Variants in ADAM12 observed in about 807,000 individuals in gnomAD.
The protein encoded by ADAM12 is ADAM metallopeptidase domain 12.
ADAM12 carries 70 observed loss-of-function variants against 106.4 expected under a neutral mutation model. The observed-to-expected ratio is 0.66, with a 90% CI of 0.54 to 0.80. The LOEUF (loss-of-function observed/expected upper bound fraction) is 0.80. Ranked by LOEUF, ADAM12 falls within the 30% of genes least tolerant of loss-of-function variation. ADAM12 has a pLI of 0.00. For missense variants in ADAM12, 1,010 were observed against 1,171.9 expected (o/e 0.86, Z 2.02); for synonymous variants, 420 against 433.5 (o/e 0.97, Z 0.39).
intron 3 of ADAM12, among the ~76,000 whole-genome samples, chr10:126,212,299 G>C (rs1368222066): frequency 6.6e-6 from 1 of 152,184 alleles, no homozygotes; most frequent in Non-Finnish European, 1.5e-5. Flanking sequence ...GGGTTAATTA[G>C]AATTTGGAAA....
intron 14 of ADAM12, among the ~76,000 whole-genome samples, chr10:126,059,977 AC>A (rs1554963637): frequency 1.4e-5 from 2 of 140,508 alleles, no homozygotes; most frequent in Non-Finnish European, 3.0e-5. Context: ...CTAAACGCCA[AC>A]CACACAGTTT....
At chr10:126,210,457 C>T (rs975761850) in intron 3 of ADAM12, among the ~76,000 whole-genome samples, 1 of 152,160 alleles carries the variant, frequency 6.6e-6, no homozygotes, top group Non-Finnish European at 1.5e-5. Flanking sequence ...GAGGCAATGA[C>T]CACACAGCAT....
At chr10:126,169,658 T>C (rs753262069) in intron 3 of ADAM12, among the ~76,000 whole-genome samples, 5 of 152,210 alleles carry the variant, frequency 3.3e-5, no homozygotes, top group African/African-American at 1.2e-4. Context: ...AAAAGACACG[T>C]TGATCCTTAG....
At chr10:126,340,533 C>T (rs1255991031) in intron 1 of ADAM12, among the ~76,000 whole-genome samples, 1 of 152,132 alleles carries the variant, frequency 6.6e-6, no homozygotes, top group Admixed American at 6.5e-5. Flanking sequence ...ATGCTGTGCT[C>T]ATAATCCTAC....
intron 3 of ADAM12, among the ~76,000 whole-genome samples, chr10:126,244,032 C>G (rs904257264): frequency 5.3e-5 from 8 of 152,188 alleles, no homozygotes; most frequent in Non-Finnish European, 1.2e-4. Flanking sequence ...AAATTCTAGT[C>G]ATTTCCAGAC....
chr10:126,129,506 C>T (rs1467989812), intron 5 of ADAM12, among the ~76,000 whole-genome samples: 1 of 152,150 alleles, frequency 6.6e-6, no homozygotes, highest in Non-Finnish European at 1.5e-5. Flanking sequence ...ATGTCTGTGC[C>T]CTGCAGAGTT....
chr10:126,330,730 T>A (rs114104428), intron 1 of ADAM12, among the ~76,000 whole-genome samples: 5 of 152,224 alleles, frequency 3.3e-5, no homozygotes, highest in Non-Finnish European at 7.3e-5. Context: ...GTTAATTAAT[T>A]TGTTCCTTCA....
chr10:126,213,912 T>C (rs1268994131), intron 3 of ADAM12, among the ~76,000 whole-genome samples: 1 of 152,228 alleles, frequency 6.6e-6, no homozygotes, highest in Non-Finnish European at 1.5e-5. Context: ...TTCCTTCTAT[T>C]AGAAAGCAGC....
chr10:126,369,326 A>G (rs1856029154), intron 1 of ADAM12, among the ~76,000 whole-genome samples: 1 of 152,214 alleles, frequency 6.6e-6, no homozygotes, highest in African/African-American at 2.4e-5. Flanking sequence ...AGAGAATAAG[A>G]TGGATGTGGT....
At chr10:126,040,004 G>GACTT (rs547784571) in intron 18 of ADAM12, among the ~76,000 whole-genome samples, 167 of 152,336 alleles carry the variant, frequency 1.1e-3, no homozygotes, top group African/African-American at 3.9e-3. Flanking sequence ...TTATGTTGGG[G>GACTT]ACTTAAAAAC....
At chr10:126,113,382 G>A (rs1029732484) in intron 6 of ADAM12, among the ~76,000 whole-genome samples, 1 of 151,904 alleles carries the variant, frequency 6.6e-6, no homozygotes, top group Non-Finnish European at 1.5e-5. Flanking sequence ...TATTGCAACT[G>A]GGCGTGGTGG....
chr10:126,043,222 G>A lies in ADAM12; in HGVS notation c.1996-74C>T, dbSNP rs1437371939. ...CATCACCACAGCAGAAGCAAGGGGG[G>A]CCATGGTCAGAGCCCCCCCCCAACA... is the stretch of plus-strand genomic sequence containing the variant. On this transcript the variant is annotated intron_variant, in intron 17 of 22. Coordinates refer to ENST00000448723, the MANE Select transcript of ADAM12 (RefSeq NM_001288973.2). The surrounding 1 kb of genome is among the most constrained non-coding windows in gnomAD (Gnocchi z 4.1). 8 of 1,390,146 alleles carry A rather than the reference G, an allele frequency of 5.8e-6. No homozygotes were observed. The Admixed American group carries it at 7.7e-5, about 13-fold the overall frequency. 86.1% of individuals were successfully genotyped at this position (1,390,146 alleles called of 1,614,324 possible).
intron 3 of ADAM12, among the ~76,000 whole-genome samples, chr10:126,223,763 A>G (rs1367456407): frequency 6.6e-6 from 1 of 152,194 alleles, no homozygotes; most frequent in Non-Finnish European, 1.5e-5. Flanking sequence ...TTTGGTCACA[A>G]TTACTGAGCC....
chr10:126,310,522 G>C (rs978579063), intron 2 of ADAM12, among the ~76,000 whole-genome samples: 5 of 152,122 alleles, frequency 3.3e-5, no homozygotes, highest in African/African-American at 1.2e-4. Flanking sequence ...GTAGAACCAG[G>C]CTGCAATAGT....
At chr10:126,338,683 G>A (rs1280739669) in intron 1 of ADAM12, among the ~76,000 whole-genome samples, 1 of 152,116 alleles carries the variant, frequency 6.6e-6, no homozygotes, top group African/African-American at 2.4e-5. Context: ...TGGAATTAAT[G>A]GCAAAACCCA....
intron 1 of ADAM12, among the ~76,000 whole-genome samples, chr10:126,338,465 G>C (rs539011691): frequency 6.6e-6 from 1 of 151,770 alleles, no homozygotes; most frequent in East Asian, 1.9e-4. Context: ...TTTTAGCCGG[G>C]ATGGTCTCGA....
intron 11 of ADAM12, among the ~76,000 whole-genome samples, chr10:126,093,197 A>T (rs994904925): frequency 1.3e-5 from 2 of 152,174 alleles, no homozygotes; most frequent in African/African-American, 4.8e-5. Flanking sequence ...GCTTCCCGTT[A>T]CTAATGAGAA....
chr10:126,093,315 G>A (rs1955499636), intron 11 of ADAM12, among the ~76,000 whole-genome samples: 1 of 152,184 alleles, frequency 6.6e-6, no homozygotes, highest in Non-Finnish European at 1.5e-5. Context: ...CACTTCGTTT[G>A]AACACTCCAA....
chr10:126,024,221 T>G (rs1913741), intron 21 of ADAM12, among the ~76,000 whole-genome samples: 36,757 of 152,082 alleles, frequency 0.24, 4,814 homozygotes, highest in East Asian at 0.32. Flanking sequence ...ATTGAAAACA[T>G]TAAGCAAACT....
Sources: allele counts gnomAD v4.1 joint callset (sites outside exome capture counted in the v4.1 genomes callset), GRCh38; gene constraint gnomAD v4.1.1; non-coding constraint Gnocchi (gnomAD v3.1); transcripts MANE v1.5; gene names NCBI Gene and HGNC (gene_info 2026-07-23, HGNC 2026-07-21).